The following IFT88 variants were observed in gnomAD, a reference collection of about 807,000 sequenced individuals.
IFT88 encodes the protein intraflagellar transport protein 88 homolog.
A neutral mutation model predicts 119.5 loss-of-function variants in IFT88; 74 were observed. The observed-to-expected ratio is 0.62, with a 90% CI of 0.51 to 0.75. The LOEUF (loss-of-function observed/expected upper bound fraction) is 0.75, where lower values mean the gene tolerates loss of function less well. Ranked by LOEUF, IFT88 falls within the 30% of genes least tolerant of loss-of-function variation. IFT88 has a pLI of 0.00. For synonymous variants in IFT88, 279 were observed against 316.7 expected (o/e 0.88, Z 1.26); for missense variants, 961 against 977.7 (o/e 0.98, Z 0.23).
At chr13:20,578,034 C>CTTTTTTTTTTTTTTTTTTT (rs57202566) in intron 2 of IFT88, among the ~76,000 whole-genome samples, 1 of 55,838 alleles carries the variant, frequency 1.8e-5, no homozygotes, top group African/African-American at 6.5e-5. Context: ...CTTGTTACTT[C>CTTTTTTTTTTTTTTTTTTT]TTTTTTTTTT....
At chr13:20,652,381 A>G (rs1400431494) in intron 20 of IFT88, among the ~76,000 whole-genome samples, 1 of 152,172 alleles carries the variant, frequency 6.6e-6, no homozygotes, top group African/African-American at 2.4e-5. Context: ...TCATGCCTGT[A>G]ATTCCAGCAC....
chr13:20,607,561 AGATCTT>A (rs1438751045), intron 13 of IFT88: 13 of 722,902 alleles, frequency 1.8e-5, no homozygotes, highest in Non-Finnish European at 3.1e-5. Context: ...TTCTCCAAAA[AGATCTT>A]GAGAGATTTG....
At chr13:20,618,527 C>A (rs950028306) in intron 14 of IFT88, among the ~76,000 whole-genome samples, 3 of 152,154 alleles carry the variant, frequency 2.0e-5, no homozygotes, top group Non-Finnish European at 4.4e-5. Context: ...ACAGAGGGAT[C>A]AGTATTTATA....
chr13:20,634,640 T>C (rs1386591836), intron 16 of IFT88, among the ~76,000 whole-genome samples: 1 of 151,980 alleles, frequency 6.6e-6, no homozygotes, highest in East Asian at 1.9e-4. Context: ...GGCATGAGAA[T>C]TGCTTGAACT....
At chr13:20,599,683 A>G (rs2042282547) in intron 11 of IFT88, 118 bp downstream of exon 11, 2 of 595,132 alleles carry the variant, frequency 3.4e-6, no homozygotes, top group Non-Finnish European at 6.0e-6. Context: ...CATGAGATTT[A>G]TACGTGTAGT....
chr13:20,647,872 A>T (rs1292715667), intron 20 of IFT88, among the ~76,000 whole-genome samples: 2 of 152,178 alleles, frequency 1.3e-5, no homozygotes, highest in African/African-American at 2.4e-5. Flanking sequence ...TGTAGGAAAA[A>T]CACTAAAAGA....
At chr13:20,650,925 T>C (rs2051547308) in intron 20 of IFT88, among the ~76,000 whole-genome samples, 1 of 152,172 alleles carries the variant, frequency 6.6e-6, no homozygotes, top group African/African-American at 2.4e-5. Flanking sequence ...GAGTGTCCCT[T>C]TTCCCTTGAG....
At chr13:20,638,590 T>A in intron 17 of IFT88, 72 bp downstream of exon 17, 1 of 1,121,368 alleles carries the variant, frequency 8.9e-7, no homozygotes, top group Non-Finnish European at 1.2e-6. Flanking sequence ...TTTGTTTTGC[T>A]TAAAGAGCTC....
At chr13:20,667,941 C>T (rs779455939) in intron 23 of IFT88, among the ~76,000 whole-genome samples, 1 of 152,180 alleles carries the variant, frequency 6.6e-6, no homozygotes, top group Non-Finnish European at 1.5e-5. Flanking sequence ...TGACTGCTTC[C>T]ATTCACACAG....
At chr13:20,599,201 A>G (rs939187577) in intron 10 of IFT88, among the ~76,000 whole-genome samples, 2 of 152,070 alleles carry the variant, frequency 1.3e-5, no homozygotes, top group African/African-American at 4.8e-5. Context: ...AGAAGAACGC[A>G]CAATAATGTA....
intron 7 of IFT88, among the ~76,000 whole-genome samples, chr13:20,594,284 A>G (rs985605951): frequency 3.9e-5 from 6 of 152,112 alleles, no homozygotes; most frequent in African/African-American, 9.7e-5. Context: ...TGTAACTGAT[A>G]TAGTCTAGAG....
intron 20 of IFT88, among the ~76,000 whole-genome samples, chr13:20,646,374 C>T (rs2050758796): frequency 6.6e-6 from 1 of 151,572 alleles, no homozygotes; most frequent in Non-Finnish European, 1.5e-5. Flanking sequence ...GTGATCCCGG[C>T]TCACTGCAAC....
chr13:20,638,510 A>G lies in IFT88; in HGVS notation c.1565A>G (p.Tyr522Cys). The G allele has an allele frequency of 2.1e-6, 3 of 1,446,494 alleles. No individual in the cohort carries two copies. The highest frequency in any genetic ancestry group is 2.7e-6 in the Non-Finnish European group (3 of 1,097,914). The allele number at this position is 1,446,494 out of a possible 1,614,324, so 89.6% of individuals were successfully genotyped here. A position where few individuals can be genotyped will look rare whatever the true frequency, so the allele number is the denominator to read the frequency against. Residue 522 changes from tyrosine to cysteine, a missense_variant, in exon 17 of 26, where the codon TAT becomes TGT. Tyr to Cys is a radical substitution (Grantham distance 194). Transcript: ENST00000351808. Reference sequence around the variant, plus strand: ...GATTCTTCTTGTACTGAAGCACTTTATAATATTGGTAAGTGAAACAAGGGG... The same window carrying G: ...GATTCTTCTTGTACTGAAGCACTTTGTAATATTGGTAAGTGAAACAAGGGG... ...RNDSSCTEALYNIGLTYEKLN... is the reference protein window; with the variant it reads ...RNDSSCTEALCNIGLTYEKLN...
At chr13:20,605,220 A>G in intron 13 of IFT88, 115 bp downstream of exon 13, 1 of 455,194 alleles carries the variant, frequency 2.2e-6, no homozygotes, top group East Asian at 3.8e-5. Context: ...TAATTTTTAT[A>G]AAAGGGTTGA....
chr13:20,598,840 G>A (rs2042159383), intron 10 of IFT88, 87 bp downstream of exon 10: 1 of 782,220 alleles, frequency 1.3e-6, no homozygotes, highest in Non-Finnish European at 2.2e-6. Context: ...TCCTTAAAAT[G>A]AAATGATCTA....
At position 20,591,624 on chromosome 13, in the gene IFT88, G is replaced by A; in HGVS notation, c.271G>A (p.Val91Ile). The change falls in exon 6 of 26, where the codon GTT becomes ATT. Residue 91 changes from valine (V) to isoleucine (I), a missense_variant. Coordinates refer to ENST00000351808, the MANE Select transcript of IFT88 (RefSeq NM_006531.5). Reference sequence around the variant, plus strand: ...ATTCCCATTCTCTTTAAAGGATGGAGTTACTAGACCCATGACAGCAGTGAG... The same window carrying A: ...ATTCCCATTCTCTTTAAAGGATGGAATTACTAGACCCATGACAGCAGTGAG... Reference protein sequence around the residue: ...RPMTGAIQDGVTRPMTAVRAA... With the variant: ...RPMTGAIQDGITRPMTAVRAA... 6.2e-7 allele frequency: 1 copy of A among 1,611,642 alleles called. No individual in the cohort carries two copies.
chr13:20,585,542 G>T (rs2039501994), intron 3 of IFT88, among the ~76,000 whole-genome samples: 1 of 152,118 alleles, frequency 6.6e-6, no homozygotes. Context: ...TTTTACTGAG[G>T]CTTGATCACA....
intron 2 of IFT88, among the ~76,000 whole-genome samples, chr13:20,579,687 T>TCTCATCTCAAACAGAAGCAGTCAA: frequency 6.6e-6 from 1 of 152,280 alleles, no homozygotes; most frequent in East Asian, 1.9e-4. Flanking sequence ...AAGTCCCCTT[T>TCTCATCTCAAACAGAAGCAGTCAA]ACTCTCCCCT....
intron 24 of IFT88, among the ~76,000 whole-genome samples, chr13:20,684,463 T>C (rs559797286): frequency 6.6e-6 from 1 of 152,310 alleles, no homozygotes; most frequent in African/African-American, 2.4e-5. Flanking sequence ...CTTCCTCTGA[T>C]TCCTCCTCCT....
Sources: gnomAD v4.1 joint callset for allele counts (sites outside exome capture counted in the v4.1 genomes callset) on GRCh38, gnomAD v4.1.1 for gene constraint, MANE v1.5 for transcripts, NCBI Gene and HGNC (gene_info 2026-07-23, HGNC 2026-07-21) for gene names.